The following PIK3C2G variants were observed in gnomAD, a reference collection of about 807,000 sequenced individuals.
PIK3C2G encodes the protein phosphatidylinositol 3-kinase C2 domain-containing subunit gamma.
A neutral mutation model predicts 181.1 loss-of-function variants in PIK3C2G; 168 were observed. The observed-to-expected ratio is 0.93, with a 90% CI of 0.82 to 1.05. The LOEUF is 1.05. Among genes scored for constraint, PIK3C2G ranks in the 50% least tolerant of loss-of-function variants. The probability of loss-of-function intolerance (pLI) is 0.00; values close to 1 mark genes in which losing one functional copy is unlikely to be tolerated. For synonymous variants in PIK3C2G, 573 were observed against 592.2 expected, an observed-to-expected ratio of 0.97 and a Z score of 0.47; for missense variants, 1,869 against 1,732.8, an observed-to-expected ratio of 1.08 and a Z score of -1.40.
upstream of PIK3C2G, among the ~76,000 whole-genome samples, chr12:18,246,515 C>G (rs1171996297): frequency 2.0e-5 from 3 of 152,020 alleles, no homozygotes; most frequent in African/African-American, 7.2e-5. Context: ...AGTCAAAGAT[C>G]TGGGTTAGAT....
At chr12:18,490,015 AT>A (rs770613708) in intron 19 of PIK3C2G, among the ~76,000 whole-genome samples, 1 of 152,172 alleles carries the variant, frequency 6.6e-6, no homozygotes, top group Non-Finnish European at 1.5e-5. Context: ...GGCATTTATA[AT>A]TTCTCACAAT....
At chr12:18,322,252 T>C (rs1001653760) in intron 7 of PIK3C2G, among the ~76,000 whole-genome samples, 2 of 151,722 alleles carry the variant, frequency 1.3e-5, no homozygotes, top group Admixed American at 6.6e-5. Context: ...CATGGTGGCA[T>C]GTGCCTGTAG....
At chr12:18,449,844 C>T (rs559306550) in intron 18 of PIK3C2G, among the ~76,000 whole-genome samples, 62 of 152,124 alleles carry the variant, frequency 4.1e-4, no homozygotes, top group Admixed American at 1.1e-3. Flanking sequence ...GTCCTATATC[C>T]TTGAGGAATT....
chr12:18,685,533 G>A, the PIK3C2G span: 48 of 344,848 alleles, frequency 1.4e-4, no homozygotes, highest in Admixed American at 2.4e-4. Flanking sequence ...CTATATCTAT[G>A]TTTTCTATGG....
At chr12:18,392,422 C>G (rs1447861755) in intron 15 of PIK3C2G, among the ~76,000 whole-genome samples, 4 of 152,068 alleles carry the variant, frequency 2.6e-5, no homozygotes, top group Non-Finnish European at 5.9e-5. Context: ...TTTTCTCATT[C>G]ACTTCAAGCC....
rs1945279522 is a variant in PIK3C2G at position 18,560,254 on chromosome 12, A to AGGCCGGGCGCG, written c.3591-2448_3591-2447insGCCGGGCGCGG. ...ATTTTATATAAAAATGAACAAGAAAAGTGACCATGGTTGAAAGTCATATAG... is the reference window on the plus strand; with the variant it reads ...ATTTTATATAAAAATGAACAAGAAAAGGCCGGGCGCGGTGACCATGGTTGAAAGTCATATAG... On this transcript the variant is annotated intron_variant, in intron 26 of 32. Transcript: ENST00000538779. 4.6e-5 allele frequency among the ~76,000 whole-genome samples: 7 copies of AGGCCGGGCGCG among 152,140 alleles called. No homozygotes were observed. The South Asian group carries it at 1.4e-3, about 32-fold the overall frequency.
At chr12:18,595,318 G>A (rs1947302332) in intron 30 of PIK3C2G, among the ~76,000 whole-genome samples, 1 of 152,024 alleles carries the variant, frequency 6.6e-6, no homozygotes, top group Non-Finnish European at 1.5e-5. Flanking sequence ...TTGAAAATAG[G>A]TGTATGTTGT....
At chr12:18,558,232 G>A (rs1012637267) in intron 26 of PIK3C2G, among the ~76,000 whole-genome samples, 1 of 152,056 alleles carries the variant, frequency 6.6e-6, no homozygotes, top group African/African-American at 2.4e-5. Context: ...TTTGGACAAA[G>A]TTAAACAGTA....
chr12:18,377,999 C>T (rs1053347485), intron 13 of PIK3C2G, among the ~76,000 whole-genome samples: 1 of 152,226 alleles, frequency 6.6e-6, no homozygotes, highest in African/African-American at 2.4e-5. Context: ...TGGGATATAA[C>T]AGGCATGCAT....
intron 10 of PIK3C2G, among the ~76,000 whole-genome samples, chr12:18,344,365 G>A (rs780663823): frequency 1.3e-4 from 20 of 152,100 alleles, no homozygotes; most frequent in Middle Eastern, 3.4e-3. Flanking sequence ...GAACTCCCCC[G>A]TCTCACATCA....
At chr12:18,564,722 T>A (rs1014629034) in intron 28 of PIK3C2G, among the ~76,000 whole-genome samples, 5 of 152,022 alleles carry the variant, frequency 3.3e-5, no homozygotes, top group Non-Finnish European at 7.4e-5. Flanking sequence ...TCTGATAGAA[T>A]AACTGAAAAA....
intron 1 of PIK3C2G, among the ~76,000 whole-genome samples, chr12:18,277,547 T>G (rs1949034899): frequency 6.6e-6 from 1 of 152,188 alleles, no homozygotes; most frequent in South Asian, 2.1e-4. Flanking sequence ...CTAAAATTTG[T>G]TATCTGAAAT....
chr12:18,676,355 T>C, the PIK3C2G span, among the ~76,000 whole-genome samples: 1 of 152,044 alleles, frequency 6.6e-6, no homozygotes, highest in Non-Finnish European at 1.5e-5. Flanking sequence ...AAGAATCTAA[T>C]ATAATCCATG....
At chr12:18,304,023 G>C (rs917935512) in intron 5 of PIK3C2G, among the ~76,000 whole-genome samples, 1 of 151,636 alleles carries the variant, frequency 6.6e-6, no homozygotes, top group Non-Finnish European at 1.5e-5. Context: ...TTAAGAAGGT[G>C]GTATTTACCT....
the PIK3C2G span, among the ~76,000 whole-genome samples, chr12:18,697,104 A>G: frequency 6.6e-6 from 1 of 151,890 alleles, no homozygotes; most frequent in Non-Finnish European, 1.5e-5. Context: ...TTCTCCAAGG[A>G]TTTTCTTTTT....
chr12:18,421,478 A>T (rs376481996), intron 17 of PIK3C2G, among the ~76,000 whole-genome samples: 19 of 152,068 alleles, frequency 1.2e-4, no homozygotes, highest in Middle Eastern at 3.4e-3. Context: ...TTTGCCACCA[A>T]ATAGTACATT....
intron 1 of PIK3C2G, 136 bp from the exon 2 acceptor site, chr12:18,281,867 TA>T (rs1455182176): frequency 9.8e-6 from 5 of 512,424 alleles, no homozygotes; most frequent in South Asian, 3.3e-5. Flanking sequence ...TAGAGTTTTA[TA>T]GTACTTAAGG....
the PIK3C2G span, among the ~76,000 whole-genome samples, chr12:18,706,294 A>G: frequency 6.6e-6 from 1 of 152,118 alleles, no homozygotes; most frequent in Non-Finnish European, 1.5e-5. Flanking sequence ...ATAGAAAGTT[A>G]TCTACGGGTT....
At chr12:18,417,914 A>G (rs1945270562) in intron 16 of PIK3C2G, among the ~76,000 whole-genome samples, 1 of 152,098 alleles carries the variant, frequency 6.6e-6, no homozygotes. Flanking sequence ...AGAGAAAAAA[A>G]GATCTGGAAT....
Sources: allele counts gnomAD v4.1 joint callset (sites outside exome capture counted in the v4.1 genomes callset), GRCh38; gene constraint gnomAD v4.1.1; transcripts MANE v1.5; gene names NCBI Gene and HGNC (gene_info 2026-07-23, HGNC 2026-07-21).